AFAP1L1: variants seen among roughly 807,000 people sequenced by gnomAD.
The protein encoded by AFAP1L1 is actin filament associated protein 1 like 1.
Under a neutral mutation model 99.8 loss-of-function variants are expected in AFAP1L1, and 77 were observed. That is an observed-to-expected ratio of 0.77 (90% CI 0.64 to 0.93). The LOEUF is 0.93. Among genes scored for constraint, AFAP1L1 ranks in the 40% least tolerant of loss-of-function variants. The probability of loss-of-function intolerance (pLI) is 0.00; values close to 1 mark genes in which losing one functional copy is unlikely to be tolerated. For missense variants in AFAP1L1, 893 were observed against 996.8 expected, an observed-to-expected ratio of 0.90 and a Z score of 1.40; for synonymous variants, 373 against 395.3, an observed-to-expected ratio of 0.94 and a Z score of 0.67.
intron 1 of AFAP1L1, 50 bp from the exon 2 acceptor site, chr5:149,299,459 A>T (rs1477176210): frequency 1.2e-6 from 2 of 1,605,268 alleles, no homozygotes; most frequent in Non-Finnish European, 1.7e-6. Context: ...TCCCGGGCAC[A>T]GAGCTGTGAC....
chr5:149,283,195 G>A (rs1344562885), intron 1 of AFAP1L1, among the ~76,000 whole-genome samples: 1 of 152,226 alleles, frequency 6.6e-6, no homozygotes, highest in Non-Finnish European at 1.5e-5. Flanking sequence ...ACATGTCATT[G>A]ACGTGGTTAC....
intron 12 of AFAP1L1, 71 bp from the exon 13 acceptor site, chr5:149,319,511 C>T: frequency 1.3e-6 from 2 of 1,520,196 alleles, no homozygotes; most frequent in Non-Finnish European, 1.8e-6. Context: ...CTGGGTTTGG[C>T]TGAAGTCAAC....
chr5:149,295,235 T>C lies in AFAP1L1; in HGVS notation c.17-4274T>C, dbSNP rs1000159279. Among the ~76,000 whole-genome samples the C allele has an allele frequency of 2.0e-5, 3 of 152,330 alleles. No individual in the cohort carries two copies. The East Asian group carries it at 5.8e-4, about 29-fold the overall frequency. On this transcript the variant is annotated intron_variant, in intron 1 of 18. Coordinates refer to ENST00000296721, the MANE Select transcript of AFAP1L1 (RefSeq NM_152406.4). ...CTTCTCCTTTGGTCTGTTTGAACTTTGGTGATCAAATCTCAGTTAAAGGAA... is the reference window on the plus strand; with the variant it reads ...CTTCTCCTTTGGTCTGTTTGAACTTCGGTGATCAAATCTCAGTTAAAGGAA...
intron 1 of AFAP1L1, among the ~76,000 whole-genome samples, chr5:149,292,934 T>C (rs1755903925): frequency 6.6e-6 from 1 of 152,192 alleles, no homozygotes; most frequent in Non-Finnish European, 1.5e-5. Flanking sequence ...TATTGTCTCC[T>C]CACCTTGCTT....
chr5:149,329,257 A>G (rs142104525), intron 15 of AFAP1L1, among the ~76,000 whole-genome samples: 2 of 152,300 alleles, frequency 1.3e-5, no homozygotes, highest in African/African-American at 4.8e-5. Flanking sequence ...CCACAACTCT[A>G]TGAGGTAAAT....
At chr5:149,284,866 A>G (rs1755627690) in intron 1 of AFAP1L1, among the ~76,000 whole-genome samples, 1 of 152,232 alleles carries the variant, frequency 6.6e-6, no homozygotes, top group African/African-American at 2.4e-5. Flanking sequence ...ATCTCAGGTG[A>G]GCAGCAGACT....
At chr5:149,312,265 A>C in intron 9 of AFAP1L1, 61 bp downstream of exon 9, 1 of 1,531,588 alleles carries the variant, frequency 6.5e-7, no homozygotes, top group Non-Finnish European at 9.0e-7. Context: ...CACGGGCTCA[A>C]CCCCAGGGGA....
intron 7 of AFAP1L1, among the ~76,000 whole-genome samples, chr5:149,308,923 C>T (rs983199511): frequency 4.0e-5 from 6 of 150,194 alleles, no homozygotes; most frequent in African/African-American, 1.5e-4. Context: ...AGCAAGACTC[C>T]GTCTCTACCA....
chr5:149,275,591 C>T (rs984009040), intron 1 of AFAP1L1, among the ~76,000 whole-genome samples: 2 of 151,864 alleles, frequency 1.3e-5, no homozygotes, highest in East Asian at 1.9e-4. Context: ...CTGCAAGCTC[C>T]GCCTCCTTGG....
chr5:149,314,190 T>C (rs1756726427), intron 9 of AFAP1L1, among the ~76,000 whole-genome samples: 1 of 152,032 alleles, frequency 6.6e-6, no homozygotes, highest in African/African-American at 2.4e-5. Flanking sequence ...TGTGCCCAGG[T>C]GGATGCAGGA....
At chr5:149,338,698 CATAA>C (rs918556428) in intron 18 of AFAP1L1, among the ~76,000 whole-genome samples, 2 of 152,180 alleles carry the variant, frequency 1.3e-5, no homozygotes, top group African/African-American at 4.8e-5. Context: ...AAATACCACA[CATAA>C]ATAAAGAATG....
Position 149,320,603 on chromosome 5 carries a change from A to G in AFAP1L1, c.1698+140A>G. 1 of 765,812 alleles carries G rather than the reference A, an allele frequency of 1.3e-6. No homozygotes were observed. Among genetic ancestry groups the G allele is most frequent in the South Asian group, 1.7e-5 (1 of 57,596 alleles). The allele number at this position is 765,812 out of a possible 1,614,324, so 47.4% of individuals were successfully genotyped here. On this transcript the variant is annotated intron_variant, in intron 14 of 18. Transcript: ENST00000296721. The surrounding 1 kb of genome is among the most constrained non-coding windows in gnomAD (Gnocchi z 4.0). ...GCTAGAAGGGGAGCCCCTTCTTATC[A>G]TAGAGCATGGCTCAGGATGAGGAAT...
intron 1 of AFAP1L1, among the ~76,000 whole-genome samples, chr5:149,275,497 C>T (rs2014902): frequency 0.61 from 92,889 of 151,218 alleles, 28,882 homozygotes; most frequent in East Asian, 0.77. Flanking sequence ...TCCTTCTTTC[C>T]TCTTTCTTCA....
At chr5:149,274,002 TC>T (rs764842205) in intron 1 of AFAP1L1, among the ~76,000 whole-genome samples, 5 of 152,256 alleles carry the variant, frequency 3.3e-5, no homozygotes, top group Admixed American at 2.0e-4. Flanking sequence ...AGAGCACTCT[TC>T]CTAGGAAGTC....
At position 149,315,530 on chromosome 5, in the gene AFAP1L1, T is replaced by A. The variant is rs1756767370; in HGVS notation, c.1021-291T>A. 1.6e-5 allele frequency: 6 copies of A among 365,394 alleles called. No homozygotes were observed. In the South Asian group the frequency reaches 1.7e-4, roughly 10 times the overall value. 22.6% of individuals were successfully genotyped at this position (365,394 alleles called of 1,614,324 possible). On this transcript the variant is annotated intron_variant, in intron 9 of 18. Transcript: ENST00000296721. ...CCACTTAAATACTTTCCCAGCTCCC[T>A]GTCACCTGCCAAATACAGTCCAAAT...
At chr5:149,304,710 TC>T (rs1425227261) in intron 5 of AFAP1L1, among the ~76,000 whole-genome samples, 1 of 152,026 alleles carries the variant, frequency 6.6e-6, no homozygotes, top group African/African-American at 2.4e-5. Flanking sequence ...CCCTCACCCT[TC>T]CCTACTTCAC....
chr5:149,334,887 AAAAG>A (rs1463484385), intron 17 of AFAP1L1, among the ~76,000 whole-genome samples: 10 of 152,134 alleles, frequency 6.6e-5, no homozygotes, highest in Non-Finnish European at 1.2e-4. Context: ...TTACAAAAAA[AAAAG>A]AAAGAAAGGA....
rs568507075 is a variant in AFAP1L1, at chr5:149,320,756, C to G, written c.1698+293C>G. Among the ~76,000 whole-genome samples the G allele has an allele frequency of 3.3e-5, 5 of 152,290 alleles. No individual in the cohort carries two copies. Among genetic ancestry groups the G allele is most frequent in the African/African-American group, 1.2e-4 (5 of 41,560 alleles). On this transcript the variant is annotated intron_variant, in intron 14 of 18. Coordinates refer to ENST00000296721, the MANE Select transcript of AFAP1L1 (RefSeq NM_152406.4). This position sits in a 1 kb window ranked among gnomAD's most constrained non-coding sequence, Gnocchi z 4.0. ...CTCCGGTTTGAGCAAGTTGCTGGGG[C>G]CCTCCTCCTGTTTACCACTCTGTGA...
At chr5:149,324,206 C>T (rs2127601295) in intron 15 of AFAP1L1, among the ~76,000 whole-genome samples, 1 of 152,326 alleles carries the variant, frequency 6.6e-6, no homozygotes, top group Non-Finnish European at 1.5e-5. Context: ...AACAAAATCC[C>T]ATAAGCTGGG....
Sources: gnomAD v4.1 joint callset for allele counts (sites outside exome capture counted in the v4.1 genomes callset) on GRCh38, gnomAD v4.1.1 for gene constraint, Gnocchi (gnomAD v3.1) non-coding constraint, MANE v1.5 for transcripts, NCBI Gene and HGNC (gene_info 2026-07-23, HGNC 2026-07-21) for gene names.